The following RPH3A variants were observed in gnomAD, a reference collection of about 807,000 sequenced individuals.
RPH3A encodes the protein rabphilin-3A.
Under a neutral mutation model 102.2 loss-of-function variants are expected in RPH3A, and 48 were observed. That is an observed-to-expected ratio of 0.47 (90% CI 0.37 to 0.60). The LOEUF is 0.60. RPH3A is among the 20% of genes least tolerant of loss of function. The pLI is 0.00. For synonymous variants in RPH3A, 310 were observed against 324.3 expected (o/e 0.96, Z 0.47); for missense variants, 781 against 910.1 (o/e 0.86, Z 1.83).
chr12:112,814,588 A>G (rs2041638234), intron 2 of RPH3A, among the ~76,000 whole-genome samples: 1 of 152,134 alleles, frequency 6.6e-6, no homozygotes, highest in African/African-American at 2.4e-5. Context: ...CCAGGTTGTA[A>G]GAGTGGTTAT....
intron 1 of RPH3A, among the ~76,000 whole-genome samples, chr12:112,699,820 G>C (rs1171355560): frequency 6.6e-6 from 1 of 152,192 alleles, no homozygotes; most frequent in Non-Finnish European, 1.5e-5. Context: ...ATGAAAGAAA[G>C]TCTACATACA....
At chr12:112,811,477 A>T (rs2041574082) in intron 2 of RPH3A, among the ~76,000 whole-genome samples, 1 of 152,130 alleles carries the variant, frequency 6.6e-6, no homozygotes, top group East Asian at 1.9e-4. Flanking sequence ...TAAACAGCAA[A>T]ATTACCAACA....
At chr12:112,630,463 T>C (rs1196149560) in intron 1 of RPH3A, among the ~76,000 whole-genome samples, 1 of 152,170 alleles carries the variant, frequency 6.6e-6, no homozygotes, top group Non-Finnish European at 1.5e-5. Context: ...CTCTAGAGCA[T>C]AAATTCCACC....
intron 5 of RPH3A, among the ~76,000 whole-genome samples, chr12:112,861,230 A>G (rs1331420485): frequency 6.6e-6 from 1 of 152,190 alleles, no homozygotes; most frequent in Non-Finnish European, 1.5e-5. Context: ...TATTTTCCAG[A>G]TGAGCAAATT....
chr12:112,819,816 A>G (rs1468599808), intron 2 of RPH3A, among the ~76,000 whole-genome samples: 1 of 152,258 alleles, frequency 6.6e-6, no homozygotes, highest in African/African-American at 2.4e-5. Context: ...ATTCTCCAGC[A>G]GGCTAGCCTG....
rs1565882402 is a variant in RPH3A, at chr12:112,791,893, A to AGAGAGAGAGAGAGAGAGAGAGAGAGAGG, written c.-247_-246insGAGAGAGAGAGAGAGGGAGAGAGAGAGA. On this transcript the variant is annotated 5_prime_UTR_variant, in exon 1 of 22. Coordinates refer to ENST00000389385, the MANE Select transcript of RPH3A (RefSeq NM_001143854.2). ...GAGAGAGAGAGAGAGAGAGAGAGAG[A>AGAGAGAGAGAGAGAGAGAGAGAGAGAGG]GAGAGAGAGAGACTCACAGAGCTAA... 1 of 150,940 alleles carries AGAGAGAGAGAGAGAGAGAGAGAGAGAGG rather than the reference A, an allele frequency of 6.6e-6. No individual in the cohort carries two copies. The highest frequency in any genetic ancestry group is 1.5e-5 in the Non-Finnish European group (1 of 67,746). 9.4% of individuals were successfully genotyped at this position (150,940 alleles called of 1,614,324 possible). A position where few individuals can be genotyped will look rare whatever the true frequency, so the allele number is the denominator to read the frequency against.
chr12:112,872,157 C>G (rs2042720352), intron 10 of RPH3A, among the ~76,000 whole-genome samples: 1 of 152,136 alleles, frequency 6.6e-6, no homozygotes, highest in Non-Finnish European at 1.5e-5. Context: ...TAGATTCCCA[C>G]CAACAATGCA....
intron 2 of RPH3A, among the ~76,000 whole-genome samples, chr12:112,793,099 G>GT (rs747642705): frequency 6.6e-6 from 1 of 152,134 alleles, no homozygotes; most frequent in Non-Finnish European, 1.5e-5. Flanking sequence ...AGGGTAGACC[G>GT]TCCCCCTGCA....
At chr12:112,794,820 C>T (rs1468772955) in intron 2 of RPH3A, among the ~76,000 whole-genome samples, 1 of 152,172 alleles carries the variant, frequency 6.6e-6, no homozygotes, top group Admixed American at 6.5e-5. Context: ...GGCATCATCC[C>T]CTCACTCCTG....
intron 2 of RPH3A, among the ~76,000 whole-genome samples, chr12:112,825,791 A>T (rs1007234851): frequency 6.6e-6 from 1 of 152,220 alleles, no homozygotes; most frequent in Admixed American, 6.5e-5. Flanking sequence ...ACACAAACAT[A>T]AAAATAAACA....
intron 1 of RPH3A, among the ~76,000 whole-genome samples, chr12:112,651,235 T>A (rs1025584662): frequency 3.3e-5 from 5 of 151,846 alleles, no homozygotes; most frequent in African/African-American, 1.2e-4. Context: ...TGGTGGTGCA[T>A]GCTTGTAGTC....
intron 7 of RPH3A, among the ~76,000 whole-genome samples, chr12:112,867,978 C>T (rs188060272): frequency 5.0e-4 from 76 of 152,242 alleles, no homozygotes; most frequent in African/African-American, 1.6e-3. Context: ...TTTCACACAC[C>T]GTCCTAGGTG....
At position 112,652,731 on chromosome 12, in the gene RPH3A, GA is replaced by G. The variant is rs2039983621; in HGVS notation, c.-140+77413del. 2.0e-5 allele frequency among the ~76,000 whole-genome samples: 3 copies of G among 152,232 alleles called. No homozygotes were observed. In the South Asian group the frequency reaches 6.2e-4, roughly 32 times the overall value. ...TAATTCATTTTCAACAATATTCCCT[GA>G]TTGCTTTTGTCATGTTTCAGGCACA... On this transcript the variant is annotated intron_variant, in intron 1 of 21. Transcript: ENST00000543106.
chr12:112,842,914 A>G (rs541817038), intron 4 of RPH3A, among the ~76,000 whole-genome samples: 3 of 152,352 alleles, frequency 2.0e-5, no homozygotes, highest in Admixed American at 2.0e-4. Flanking sequence ...AGAGTAGAGC[A>G]GAGGCCCAGC....
At chr12:112,818,346 G>A (rs1442032872) in intron 2 of RPH3A, among the ~76,000 whole-genome samples, 2 of 151,424 alleles carry the variant, frequency 1.3e-5, no homozygotes, top group East Asian at 3.9e-4. Flanking sequence ...GGTGGAGAGG[G>A]GACATATTGG....
chr12:112,654,055 G>A (rs1198005409), intron 1 of RPH3A, among the ~76,000 whole-genome samples: 1 of 152,078 alleles, frequency 6.6e-6, no homozygotes, highest in Non-Finnish European at 1.5e-5. Context: ...GATCTTCAGG[G>A]GCAAGAACTT....
At chr12:112,806,734 A>C (rs2041472308) in intron 2 of RPH3A, among the ~76,000 whole-genome samples, 1 of 152,106 alleles carries the variant, frequency 6.6e-6, no homozygotes, top group Non-Finnish European at 1.5e-5. Context: ...ATAGTATGTG[A>C]TATGCACTGT....
chr12:112,889,275 C>T lies in RPH3A; in HGVS notation c.1564-749C>T, dbSNP rs542830526. Among the ~76,000 whole-genome samples, 15 of 152,330 alleles carry T rather than the reference C, an allele frequency of 9.8e-5. 1 individual carries two copies. The highest frequency in any genetic ancestry group is 3.9e-4 in the East Asian group (2 of 5,186). ...CAGGCTTCTCTTCCTTCTCCAACTC[C>T]GTGAGTCCAGTTGGCCAGGACAATG... On this transcript the variant is annotated intron_variant, in intron 17 of 21. Coordinates refer to ENST00000389385, the MANE Select transcript of RPH3A (RefSeq NM_001143854.2).
intron 2 of RPH3A, among the ~76,000 whole-genome samples, chr12:112,823,446 T>C (rs2041815320): frequency 6.6e-6 from 1 of 152,206 alleles, no homozygotes; most frequent in Non-Finnish European, 1.5e-5. Context: ...GGTATGGAAT[T>C]TGGTGCATAG....
Sources: allele counts gnomAD v4.1 joint callset (sites outside exome capture counted in the v4.1 genomes callset), GRCh38; gene constraint gnomAD v4.1.1; transcripts MANE v1.5; gene names NCBI Gene and HGNC (gene_info 2026-07-23, HGNC 2026-07-21).